ARNT2: variants seen among roughly 807,000 people sequenced by gnomAD.
ARNT2 encodes aryl hydrocarbon receptor nuclear translocator 2, also known as ARNT protein 2.
ARNT2 carries 36 observed loss-of-function variants against 91.7 expected under a neutral mutation model. That is an observed-to-expected ratio of 0.39 (90% CI 0.30 to 0.52). The LOEUF (loss-of-function observed/expected upper bound fraction) is 0.52, where lower values mean the gene tolerates loss of function less well. ARNT2 is among the 20% of genes least tolerant of loss of function. ARNT2 has a pLI of 0.72. For missense variants in ARNT2, 775 were observed against 939.3 expected, an observed-to-expected ratio of 0.83 and a Z score of 2.29; for synonymous variants, 365 against 347.1, an observed-to-expected ratio of 1.05 and a Z score of -0.57.
chr15:80,508,097 C>T, intron 5 of ARNT2, 59 bp from the exon 6 acceptor site: 6 of 1,551,120 alleles, frequency 3.9e-6, no homozygotes, highest in Non-Finnish European at 5.3e-6. Context: ...CCCGAACTCC[C>T]TCCTCCATCT....
At chr15:80,419,751 C>T (rs1028460621) in intron 1 of ARNT2, among the ~76,000 whole-genome samples, 6 of 152,280 alleles carry the variant, frequency 3.9e-5, no homozygotes, top group African/African-American at 7.2e-5. Flanking sequence ...TGGAAAGTCC[C>T]GGGAGAAAAA....
intron 12 of ARNT2, among the ~76,000 whole-genome samples, chr15:80,573,315 A>G (rs903327504): frequency 2.0e-5 from 3 of 152,176 alleles, no homozygotes; most frequent in Admixed American, 6.5e-5. Context: ...CATACAGTAC[A>G]TGTATATTTG....
chr15:80,505,924 G>GTTTTTTTTTTTTTTTTTT lies in ARNT2; in HGVS notation c.623-2230_623-2229insTTTTTTTTTTTTTTTTTT, dbSNP rs1486880107. ...AAAGAAAAAATGATTCCCAACATTT[G>GTTTTTTTTTTTTTTTTTT]TTGTTTTTTTTTTTTTTTTTTTTGA... is the stretch of plus-strand genomic sequence containing the variant. On this transcript the variant is annotated intron_variant, in intron 5 of 18. Transcript: ENST00000303329. Among the ~76,000 whole-genome samples the GTTTTTTTTTTTTTTTTTT allele has an allele frequency of 3.9e-4, 28 of 71,194 alleles. 3 individuals carry two copies. Among genetic ancestry groups the GTTTTTTTTTTTTTTTTTT allele is most frequent in the African/African-American group, 1.7e-3 (26 of 15,244 alleles). The allele number at this position is 71,194 out of a possible 152,430, so 46.7% of individuals were successfully genotyped here.
At chr15:80,413,774 A>C (rs1895724667) in intron 1 of ARNT2, among the ~76,000 whole-genome samples, 1 of 152,196 alleles carries the variant, frequency 6.6e-6, no homozygotes, top group Non-Finnish European at 1.5e-5. Flanking sequence ...AGGCCTTCCA[A>C]GAGACAAATT....
At chr15:80,471,614 G>C (rs1329912860) in intron 4 of ARNT2, among the ~76,000 whole-genome samples, 1 of 152,176 alleles carries the variant, frequency 6.6e-6, no homozygotes, top group Non-Finnish European at 1.5e-5. Context: ...GCCGGCATTT[G>C]CTGGGTGCCT....
chr15:80,563,126 T>C lies in ARNT2; in HGVS notation c.1203T>C (p.Tyr401=). The change falls in exon 12 of 19, where the codon TAT becomes TAC. Residue 401 remains tyrosine, a synonymous_variant. Coordinates refer to ENST00000303329, the MANE Select transcript of ARNT2 (RefSeq NM_014862.4). The part of the protein sequence containing the change: ...KLKGQVLSVM[Y]RFRTKNREWM... The stretch of plus-strand genomic sequence containing the variant: ...AAGGCCAAGTCCTGTCGGTCATGTA[T>C]CGATTTCGCACCAAGAACCGGGAGT... 1 of 1,614,198 alleles carries C rather than the reference T, an allele frequency of 6.2e-7. No individual in the cohort carries two copies. Among genetic ancestry groups the C allele is most frequent in the Non-Finnish European group, 8.5e-7 (1 of 1,180,050 alleles).
rs1897509856 is a variant in ARNT2 at position 80,519,968 on chromosome 15, G to T, written c.877+5563G>T. On this transcript the variant is annotated intron_variant, in intron 8 of 18. Transcript: ENST00000303329. ...CCGCTTTGGCCTCCCAAAGTGCTGG[G>T]ATTACAGGTGTGAGCCACCGTGCCT... is the stretch of plus-strand genomic sequence containing the variant. Among the ~76,000 whole-genome samples, 5 of 149,374 alleles carry T rather than the reference G, an allele frequency of 3.3e-5. 1 individual carries two copies. The South Asian group carries it at 1.1e-3, about 32-fold the overall frequency.
At chr15:80,451,099 C>T (rs555828558) in intron 2 of ARNT2, 105 bp downstream of exon 2, 96 of 1,097,920 alleles carry the variant, frequency 8.7e-5, no homozygotes, top group Middle Eastern at 2.0e-4. Context: ...AATAAAAGCT[C>T]AGCAGTTTGC....
At chr15:80,435,977 C>T (rs1331389700) in intron 1 of ARNT2, 1 of 152,210 alleles carries the variant, frequency 6.6e-6, no homozygotes, top group African/African-American at 2.4e-5. Context: ...CAGCTAACTG[C>T]ACCGGAAGCC....
At chr15:80,416,177 G>T (rs981070253) in intron 1 of ARNT2, among the ~76,000 whole-genome samples, 1 of 152,186 alleles carries the variant, frequency 6.6e-6, no homozygotes, top group Non-Finnish European at 1.5e-5. Flanking sequence ...AATGTTTTAT[G>T]TTGAACTTAT....
intron 6 of ARNT2, among the ~76,000 whole-genome samples, chr15:80,512,989 A>G (rs1384677891): frequency 2.0e-5 from 3 of 152,234 alleles, no homozygotes; most frequent in African/African-American, 7.2e-5. Context: ...AGGGCCAAAC[A>G]TTGCTGGGCA....
At chr15:80,428,099 A>G (rs961674707) in intron 1 of ARNT2, among the ~76,000 whole-genome samples, 8 of 152,238 alleles carry the variant, frequency 5.3e-5, no homozygotes, top group African/African-American at 1.9e-4. Context: ...TCTTTGCACA[A>G]TAAAAACGGT....
At chr15:80,430,571 C>T (rs144219219) in intron 1 of ARNT2, among the ~76,000 whole-genome samples, 38 of 152,312 alleles carry the variant, frequency 2.5e-4, no homozygotes, top group African/African-American at 6.7e-4. Context: ...CCAGTCTCAA[C>T]GGGAGCTGCA....
intron 4 of ARNT2, among the ~76,000 whole-genome samples, chr15:80,472,558 C>T (rs1049887981): frequency 6.6e-6 from 1 of 152,188 alleles, no homozygotes; most frequent in African/African-American, 2.4e-5. Flanking sequence ...CCTATTTGAT[C>T]CCTTTCTAAA....
chr15:80,463,774 T>C (rs1896602020), intron 3 of ARNT2, among the ~76,000 whole-genome samples: 1 of 152,074 alleles, frequency 6.6e-6, no homozygotes, highest in South Asian at 2.1e-4. Flanking sequence ...GAGACAGGGT[T>C]TCACCATGTT....
At chr15:80,539,750 G>A (rs1239986529) in intron 8 of ARNT2, among the ~76,000 whole-genome samples, 1 of 151,620 alleles carries the variant, frequency 6.6e-6, no homozygotes, top group Admixed American at 6.6e-5. Flanking sequence ...AAAAATGTAT[G>A]AACAAAATGC....
intron 8 of ARNT2, among the ~76,000 whole-genome samples, chr15:80,526,464 A>G (rs1897642159): frequency 6.6e-6 from 1 of 152,192 alleles, no homozygotes; most frequent in South Asian, 2.1e-4. Flanking sequence ...TTCTACAACA[A>G]ATCTTCCTTT....
intron 5 of ARNT2, among the ~76,000 whole-genome samples, chr15:80,494,956 G>A (rs948154726): frequency 6.6e-6 from 1 of 152,136 alleles, no homozygotes; most frequent in Non-Finnish European, 1.5e-5. Context: ...TCCCCAGATG[G>A]TACAGTAGAG....
chr15:80,562,079 CT>C (rs35018525), intron 11 of ARNT2, among the ~76,000 whole-genome samples: 153 of 144,604 alleles, frequency 1.1e-3, no homozygotes, highest in Non-Finnish European at 1.1e-3. Flanking sequence ...CTTCTTCCTT[CT>C]TTTTTTTTTT....
Sources: allele counts gnomAD v4.1 joint callset (sites outside exome capture counted in the v4.1 genomes callset), GRCh38; gene constraint gnomAD v4.1.1; transcripts MANE v1.5; gene names NCBI Gene and HGNC (gene_info 2026-07-23, HGNC 2026-07-21).